SF3B4: variants seen among roughly 807,000 people sequenced by gnomAD.
SF3B4 encodes splicing factor 3b subunit 4, also known as SAP 49.
A neutral mutation model predicts 34.3 loss-of-function variants in SF3B4; 3 were observed. The ratio of observed to expected loss-of-function variants is 0.09; its 90% CI spans 0.04 to 0.23. The LOEUF (loss-of-function observed/expected upper bound fraction) is 0.23, where lower values mean the gene tolerates loss of function less well. Ranked by LOEUF, SF3B4 falls within the 10% of genes least tolerant of loss-of-function variation. The pLI is 1.00. For missense variants in SF3B4, 283 were observed against 567.2 expected (o/e 0.50, Z 5.09); for synonymous variants, 216 against 207.8 (o/e 1.04, Z -0.34).
rs1553766167 is a variant in SF3B4, at chr1:149,927,306, G to A, written c.35-12C>T. ...GTACACAGTGGCATCTTGAAGGGAG[G>A]GAGCAAAAAGAGCAAGCGTGAGAGT... On this transcript the variant is annotated splice_polypyrimidine_tract_variant and intron_variant, in intron 1 of 5. Coordinates refer to ENST00000271628, the MANE Select transcript of SF3B4 (RefSeq NM_005850.5). 5 of 1,612,350 alleles carry A rather than the reference G, an allele frequency of 3.1e-6. No homozygotes were observed. The highest frequency in any genetic ancestry group is 4.2e-6 in the Non-Finnish European group (5 of 1,179,718).
In SF3B4 at chr1:149,926,928, T is replaced by C. The variant is rs368589020; in HGVS notation, c.164-10A>G. On this transcript the variant is annotated splice_polypyrimidine_tract_variant and intron_variant, in intron 2 of 5. Transcript: ENST00000271628. This position sits in a 1 kb window ranked among gnomAD's most constrained non-coding sequence, Gnocchi z 6.2. ...TCCACAAAGCCATAGCCTGGAAAAGTGGAGAAGAGGAGGTTAACAACGTAA... is the reference window on the plus strand; with the variant it reads ...TCCACAAAGCCATAGCCTGGAAAAGCGGAGAAGAGGAGGTTAACAACGTAA... 7.5e-6 allele frequency: 12 copies of C among 1,589,966 alleles called. No homozygotes were observed. Among genetic ancestry groups the C allele is most frequent in the African/African-American group, 4.1e-5 (3 of 73,562 alleles).
At chr1:149,924,953 T>C (rs1277465011) in intron 4 of SF3B4, among the ~76,000 whole-genome samples, 2 of 152,008 alleles carry the variant, frequency 1.3e-5, no homozygotes, top group Non-Finnish European at 2.9e-5. Context: ...TGCACATCTG[T>C]GTCTTAAAAG....
chr1:149,926,277 G>T lies in SF3B4; in HGVS notation c.706+99C>A. ...TCAGTCCTCTTCCCATCAACTCACT[G>T]ACTCAATGTCCCCTGTCCCCCTTTC... On this transcript the variant is annotated intron_variant, in intron 3 of 5. Coordinates refer to ENST00000271628, the MANE Select transcript of SF3B4 (RefSeq NM_005850.5). This position sits in a 1 kb window ranked among gnomAD's most constrained non-coding sequence, Gnocchi z 6.2. 1 of 1,090,428 alleles carries T rather than the reference G, an allele frequency of 9.2e-7. No homozygotes were observed. 67.5% of individuals were successfully genotyped at this position (1,090,428 alleles called of 1,614,324 possible).
chr1:149,925,095 T>A (rs1242812977), intron 4 of SF3B4, among the ~76,000 whole-genome samples: 1 of 152,056 alleles, frequency 6.6e-6, no homozygotes, highest in Non-Finnish European at 1.5e-5. Flanking sequence ...TGGGGAGAGA[T>A]GCCACTGATA....
chr1:149,927,059 G>A (rs16836630), intron 2 of SF3B4, 107 bp downstream of exon 2: 8 of 1,498,458 alleles, frequency 5.3e-6, no homozygotes, highest in Middle Eastern at 1.9e-4. Flanking sequence ...ATAAACTGAA[G>A]AGAGGCTTAA....
At chr1:149,924,138 G>T (rs587755014) in intron 4 of SF3B4, 124 bp from the exon 5 acceptor site, 2 of 880,068 alleles carry the variant, frequency 2.3e-6, no homozygotes, top group East Asian at 3.0e-5. Context: ...ATAGAAAAAA[G>T]GGTATAGAAA....
In SF3B4 at chr1:149,926,878, G is replaced by A. The variant is rs1553766083; in HGVS notation, c.204C>T (p.Asp68=). 2 of 1,612,636 alleles carry A rather than the reference G, an allele frequency of 1.2e-6. No homozygotes were observed. The highest frequency in any genetic ancestry group is 2.7e-5 in the African/African-American group (2 of 74,824). The change falls in exon 3 of 6, where the codon GAC becomes GAT. Residue 68 remains aspartate (D), a synonymous_variant. Transcript: ENST00000271628. The surrounding 1 kb of genome is among the most constrained non-coding windows in gnomAD (Gnocchi z 6.2). The stretch of plus-strand genomic sequence containing the variant: ...TCATGTTCATGATCTTAATGGCATA[G>A]TCAGCATCTTCCTCACTCAAGAATT... ...FVEFLSEEDA[D]YAIKIMNMIK...
Position 149,927,395 on chromosome 1 carries a change from C to G in SF3B4, c.35-101G>C, listed in dbSNP as rs112658154. 3.7e-5 allele frequency: 53 copies of G among 1,444,890 alleles called. No individual in the cohort carries two copies. The Middle Eastern group carries it at 5.3e-4, about 15-fold the overall frequency. 89.5% of individuals were successfully genotyped at this position (1,444,890 alleles called of 1,614,324 possible). Reference sequence around the variant, plus strand: ...GAACCCAACCAGGGGAACTGGGGACCGCGGTAGGGGACAGGAGCAAAAAAA... The same window carrying G: ...GAACCCAACCAGGGGAACTGGGGACGGCGGTAGGGGACAGGAGCAAAAAAA... On this transcript the variant is annotated intron_variant, in intron 1 of 5. Coordinates refer to ENST00000271628, the MANE Select transcript of SF3B4 (RefSeq NM_005850.5).
In SF3B4 at chr1:149,926,079, G is replaced by C; in HGVS notation, c.707-37C>G. The C allele has an allele frequency of 9.4e-7, 1 of 1,063,950 alleles. No individual in the cohort carries two copies. The highest frequency in any genetic ancestry group is 1.4e-6 in the Non-Finnish European group (1 of 736,284). The allele number at this position is 1,063,950 out of a possible 1,614,324, so 65.9% of individuals were successfully genotyped here. ...ATGGAAAAAGGAAGAGTTAATGGTA[G>C]TGAGGAGAAAATGTCTTTAAAGAGC... On this transcript the variant is annotated intron_variant, in intron 3 of 5. Transcript: ENST00000271628. This position sits in a 1 kb window ranked among gnomAD's most constrained non-coding sequence, Gnocchi z 6.2.
At chr1:149,923,802 GA>G in intron 5 of SF3B4, 38 bp downstream of exon 5, 2 of 1,546,118 alleles carry the variant, frequency 1.3e-6, no homozygotes, top group Non-Finnish European at 1.7e-6. Flanking sequence ...GTAAGAACAT[GA>G]TAAGTGCAGA....
intron 4 of SF3B4, among the ~76,000 whole-genome samples, chr1:149,925,488 G>A (rs2092584223): frequency 6.6e-6 from 1 of 151,876 alleles, no homozygotes; most frequent in African/African-American, 2.4e-5. Flanking sequence ...CAAACAGGAG[G>A]ACACAACTAG....
chr1:149,927,427 T>G, intron 1 of SF3B4, 133 bp from the exon 2 acceptor site: 1 of 983,352 alleles, frequency 1.0e-6, no homozygotes, highest in Non-Finnish European at 1.5e-6. Flanking sequence ...AAAAAAAGTT[T>G]AAACCCTTAA....
At position 149,923,487 on chromosome 1, in the gene SF3B4, C is replaced by T; in HGVS notation, c.*55G>A. On this transcript the variant is annotated 3_prime_UTR_variant, in exon 6 of 6. Transcript: ENST00000271628. ...AGGAGCTACAGCATCTCTGATTGGT[C>T]CAAGGAATAGAAAAGATATTGGGAA... is the stretch of plus-strand genomic sequence containing the variant. 4.2e-6 allele frequency: 6 copies of T among 1,426,334 alleles called. No individual in the cohort carries two copies. Among genetic ancestry groups the T allele is most frequent in the Non-Finnish European group, 5.7e-6 (6 of 1,054,912 alleles). 88.4% of individuals were successfully genotyped at this position (1,426,334 alleles called of 1,614,324 possible).
chr1:149,927,460 G>A (rs1237960540), intron 1 of SF3B4, 166 bp from the exon 2 acceptor site: 2 of 817,796 alleles, frequency 2.4e-6, no homozygotes, highest in South Asian at 3.6e-5. Flanking sequence ...CCAGGACTTC[G>A]GGAATCCTCT....
In SF3B4 at chr1:149,925,874, T is replaced by C. The variant is rs2092586796; in HGVS notation, c.875A>G (p.His292Arg). ...GAGHPGHGHSHPHPFPPGGMP... is the reference protein window; with the variant it reads ...GAGHPGHGHSRPHPFPPGGMP... ...CCCACCCGGTGGGAATGGGTGAGGA[T>C]GTGAGTGTCCATGACCAGGATGTCC... Residue 292 changes from histidine (H) to arginine (R), a missense_variant, in exon 4 of 6, where the codon CAT becomes CGT. By Grantham distance (29) the His-to-Arg change is conservative. Transcript: ENST00000271628. 4 of 1,612,358 alleles carry C rather than the reference T, an allele frequency of 2.5e-6. No individual in the cohort carries two copies. Among genetic ancestry groups the C allele is most frequent in the Non-Finnish European group, 3.4e-6 (4 of 1,179,006 alleles).
At chr1:149,927,536 G>T in intron 1 of SF3B4, 190 bp downstream of exon 1, 1 of 761,106 alleles carries the variant, frequency 1.3e-6, no homozygotes, top group Non-Finnish European at 2.1e-6. Flanking sequence ...GCAGGGGACC[G>T]GACTTAAGTA....
intron 4 of SF3B4, 159 bp downstream of exon 4, chr1:149,925,677 A>G (rs782464029): frequency 5.6e-6 from 4 of 715,822 alleles, no homozygotes; most frequent in Non-Finnish European, 1.0e-5. Flanking sequence ...TCAGGGTGGT[A>G]GATGTTAGAG....
chr1:149,925,636 T>A lies in SF3B4; in HGVS notation c.913+200A>T, dbSNP rs55705001. 34,501 of 648,672 alleles carry A rather than the reference T, an allele frequency of 0.053. 1,101 individuals carry two copies. The highest frequency in any genetic ancestry group is 0.07 in the Non-Finnish European group (24,725 of 353,874). The allele number at this position is 648,672 out of a possible 1,614,324, so 40.2% of individuals were successfully genotyped here. On this transcript the variant is annotated intron_variant, in intron 4 of 5. Transcript: ENST00000271628. Reference sequence around the variant, plus strand: ...AAGAAATAAAAACTGGCAAGTAGAGTCTACTTGTCAGAAAAACTTAAGAAA... The same window carrying A: ...AAGAAATAAAAACTGGCAAGTAGAGACTACTTGTCAGAAAAACTTAAGAAA...
In SF3B4 at chr1:149,926,282, A is replaced by C; in HGVS notation, c.706+94T>G. ...CCTCTTCCCATCAACTCACTGACTC[A>C]ATGTCCCCTGTCCCCCTTTCAGACT... On this transcript the variant is annotated intron_variant, in intron 3 of 5. Transcript: ENST00000271628. The surrounding 1 kb of genome is among the most constrained non-coding windows in gnomAD (Gnocchi z 6.2). 1 of 1,138,914 alleles carries C rather than the reference A, an allele frequency of 8.8e-7. No homozygotes were observed. The highest frequency in any genetic ancestry group is 1.2e-6 in the Non-Finnish European group (1 of 800,076). 70.6% of individuals were successfully genotyped at this position (1,138,914 alleles called of 1,614,324 possible).
Sources: gnomAD v4.1 joint callset for allele counts (sites outside exome capture counted in the v4.1 genomes callset) on GRCh38, gnomAD v4.1.1 for gene constraint, Gnocchi (gnomAD v3.1) non-coding constraint, MANE v1.5 for transcripts, NCBI Gene and HGNC (gene_info 2026-07-23, HGNC 2026-07-21) for gene names.